The following METTL6 variants were observed in gnomAD, a reference collection of about 807,000 sequenced individuals.
METTL6 encodes tRNA N(3)-cytidine methyltransferase METTL6.
Under a neutral mutation model 26.4 loss-of-function variants are expected in METTL6, and 22 were observed. The ratio of observed to expected loss-of-function variants is 0.83; its 90% CI spans 0.59 to 1.19. The LOEUF is 1.19. Among genes scored for constraint, METTL6 ranks in the 50% most tolerant of loss-of-function variants. The pLI is 0.00. For synonymous variants in METTL6, 109 were observed against 116.2 expected (o/e 0.94, Z 0.40); for missense variants, 304 against 324.8 (o/e 0.94, Z 0.49).
rs9831197 is a variant in METTL6 at position 15,396,033 on chromosome 3, T to C, written c.*12-11846A>G. ...GTTCTCTGTATTTCCTGAATTTGAA[T>C]GTTGGCCTGCCTTGCTAGATTGGGG... On this transcript the variant is annotated intron_variant, in intron 6 of 6. Transcript: ENST00000443029. 1.5e-3 allele frequency among the ~76,000 whole-genome samples: 231 copies of C among 152,292 alleles called. 1 individual carries two copies. The highest frequency in any genetic ancestry group is 5.3e-3 in the African/African-American group (219 of 41,572).
downstream of METTL6, among the ~76,000 whole-genome samples, chr3:15,409,499 T>G (rs2124955895): frequency 6.6e-6 from 1 of 152,368 alleles, no homozygotes; most frequent in African/African-American, 2.4e-5. Context: ...TACGTGATTT[T>G]GGACTCATCA....
chr3:15,393,885 T>G (rs1266115697), intron 6 of METTL6, among the ~76,000 whole-genome samples: 1 of 152,246 alleles, frequency 6.6e-6, no homozygotes, highest in African/African-American at 2.4e-5. Flanking sequence ...GATATGCTGC[T>G]GGATTCAGTT....
intron 3 of METTL6, among the ~76,000 whole-genome samples, chr3:15,420,615 C>T (rs113135069): frequency 4.8e-3 from 724 of 152,228 alleles, no homozygotes; most frequent in Non-Finnish European, 6.9e-3. Context: ...TACCTTATGT[C>T]CATGCATTTT....
chr3:15,392,269 A>C (rs1176176728), intron 6 of METTL6, among the ~76,000 whole-genome samples: 2 of 152,042 alleles, frequency 1.3e-5, no homozygotes, highest in African/African-American at 4.8e-5. Context: ...GCATTTTTTC[A>C]TGTGTCTTTT....
At chr3:15,402,735 CAA>C (rs548363790) in intron 6 of METTL6, among the ~76,000 whole-genome samples, 6 of 57,686 alleles carry the variant, frequency 1.0e-4, no homozygotes, top group Admixed American at 3.8e-4. Flanking sequence ...GATTCCATCT[CAA>C]AAAAAAAAAA....
Position 15,426,363 on chromosome 3 carries a change from T to C in METTL6, c.149A>G (p.Lys50Arg), listed in dbSNP as rs760889969. Reference protein sequence around the residue: ...EAQKNWDLFYKRNSTNFFKDR... With the variant: ...EAQKNWDLFYRRNSTNFFKDR... ...TTTGAAGAAATTAGTGCTATTTCTT[T>C]TGTAAAAAAGATCCCAATTTTTCTG... The change falls in exon 2 of 6, where the codon AAA becomes AGA. Residue 50 changes from lysine to arginine, a missense_variant. By Grantham distance (26) the Lys-to-Arg change is conservative. Coordinates refer to ENST00000383790, the MANE Select transcript of METTL6 (RefSeq NM_152396.4). 1.1e-5 allele frequency: 18 copies of C among 1,614,262 alleles called. No homozygotes were observed. The South Asian group carries it at 1.4e-4, about 13-fold the overall frequency.
chr3:15,419,330 A>G (rs571512654), intron 3 of METTL6, among the ~76,000 whole-genome samples: 1 of 152,350 alleles, frequency 6.6e-6, no homozygotes, highest in South Asian at 2.1e-4. Context: ...TTATGAATGG[A>G]CAACTCCTAC....
intron 1 of METTL6, among the ~76,000 whole-genome samples, chr3:15,426,890 C>G (rs113715961): frequency 5.1e-4 from 77 of 152,224 alleles, no homozygotes; most frequent in African/African-American, 1.4e-3. Flanking sequence ...ATTTAGTTTA[C>G]GAAAAAGGAC....
intron 6 of METTL6, among the ~76,000 whole-genome samples, chr3:15,396,951 CA>C (rs1434773137): frequency 6.6e-6 from 1 of 152,210 alleles, no homozygotes; most frequent in Admixed American, 6.5e-5. Context: ...CTTGAGGAGG[CA>C]GTCTGTCCGT....
chr3:15,416,025 C>G (rs372971719), intron 3 of METTL6, 83 bp from the exon 4 acceptor site: 2 of 1,210,410 alleles, frequency 1.7e-6, no homozygotes, highest in Non-Finnish European at 2.3e-6. Flanking sequence ...AAAAGGCGAT[C>G]CAATTTCCAC....
At chr3:15,409,516 C>A (rs1699889492), downstream of METTL6, among the ~76,000 whole-genome samples, 1 of 152,228 alleles carries the variant, frequency 6.6e-6, no homozygotes, top group Non-Finnish European at 1.5e-5. Flanking sequence ...ATCATTTACC[C>A]CTTGCTACTG....
intron 3 of METTL6, among the ~76,000 whole-genome samples, chr3:15,416,286 T>C (rs2124997258): frequency 6.6e-6 from 1 of 152,358 alleles, no homozygotes; most frequent in East Asian, 1.9e-4. Flanking sequence ...GGTCTCACTC[T>C]GTCTGCTGGG....
chr3:15,409,543 T>C (rs1211661545), downstream of METTL6, among the ~76,000 whole-genome samples: 1 of 152,200 alleles, frequency 6.6e-6, no homozygotes, highest in African/African-American at 2.4e-5. Flanking sequence ...CATTTCCCAA[T>C]AGGGAGTTGG....
intron 5 of METTL6, among the ~76,000 whole-genome samples, 167 bp from the exon 6 acceptor site, chr3:15,411,604 C>T (rs1422543648): frequency 6.6e-6 from 1 of 152,108 alleles, no homozygotes; most frequent in East Asian, 1.9e-4. Flanking sequence ...ACTCCTTCTC[C>T]TCTTCTACCC....
chr3:15,400,812 C>T (rs142213056), intron 6 of METTL6, among the ~76,000 whole-genome samples: 249 of 152,240 alleles, frequency 1.6e-3, no homozygotes, highest in Non-Finnish European at 3.1e-3. Flanking sequence ...CCTTCTTGTG[C>T]GTGAAGTTTT....
chr3:15,419,857 TTTTC>T (rs2061569081), intron 3 of METTL6, among the ~76,000 whole-genome samples: 1 of 148,372 alleles, frequency 6.7e-6, no homozygotes, highest in Non-Finnish European at 1.5e-5. Flanking sequence ...GGGTAACTGT[TTTTC>T]TTTTTTTTTT....
rs968654071 is a variant in METTL6, at chr3:15,413,866, C to T, written c.673+155G>A. 5 of 1,517,832 alleles carry T rather than the reference C, an allele frequency of 3.3e-6. No individual in the cohort carries two copies. The African/African-American group carries it at 5.5e-5, about 17-fold the overall frequency. The allele number at this position is 1,517,832 out of a possible 1,614,324, so 94.0% of individuals were successfully genotyped here. On this transcript the variant is annotated intron_variant, in intron 5 of 5. Coordinates refer to ENST00000383790, the MANE Select transcript of METTL6 (RefSeq NM_152396.4). ...AGGGCAGGGGCCAGGTCTGTGCCTT[C>T]CAGGTGCTGGGTAAATATTGTGCAG...
chr3:15,427,584 G>A (rs552476954), upstream of METTL6: 4 of 582,416 alleles, frequency 6.9e-6, no homozygotes, highest in African/African-American at 1.9e-5. Flanking sequence ...CCACGGCCTT[G>A]CCTCCTCAGA....
chr3:15,414,357 CTT>C (rs72324883), intron 4 of METTL6, 195 bp from the exon 5 acceptor site: 49,019 of 1,071,206 alleles, frequency 0.046, no homozygotes, highest in East Asian at 0.081. Context: ...TAAGACACTT[CTT>C]TTTTTTTTTT....
Sources: gnomAD v4.1 joint callset for allele counts (sites outside exome capture counted in the v4.1 genomes callset) on GRCh38, gnomAD v4.1.1 for gene constraint, MANE v1.5 for transcripts, NCBI Gene and HGNC (gene_info 2026-07-23, HGNC 2026-07-21) for gene names.